The following UNC5C variants were observed in gnomAD, a reference collection of about 807,000 sequenced individuals.
The protein encoded by UNC5C is netrin receptor UNC5C.
In UNC5C, 47 loss-of-function variants were observed where a neutral mutation model predicts 99.8. The ratio of observed to expected loss-of-function variants is 0.47; its 90% CI spans 0.37 to 0.60. The LOEUF (loss-of-function observed/expected upper bound fraction) is 0.60. Ranked by LOEUF, UNC5C falls within the 20% of genes least tolerant of loss-of-function variation. UNC5C has a pLI of 0.00. For synonymous variants in UNC5C, 487 were observed against 452.2 expected (o/e 1.08, Z -0.98); for missense variants, 1,062 against 1,165.9 (o/e 0.91, Z 1.30).
chr4:95,470,598 A>G (rs981138272), intron 1 of UNC5C, among the ~76,000 whole-genome samples: 3 of 152,128 alleles, frequency 2.0e-5, no homozygotes, highest in Non-Finnish European at 2.9e-5. Context: ...TCAGAAAAAA[A>G]TAGCAGTATG....
chr4:95,548,645 A>G (rs780953476), intron 1 of UNC5C, 89 bp downstream of exon 1: 6 of 1,457,746 alleles, frequency 4.1e-6, no homozygotes, highest in Non-Finnish European at 5.5e-6. Flanking sequence ...AGGCAAATTG[A>G]GGAAGTCAAG....
At chr4:95,192,888 A>G (rs542584646) in intron 12 of UNC5C, among the ~76,000 whole-genome samples, 1 of 152,296 alleles carries the variant, frequency 6.6e-6, no homozygotes, top group South Asian at 2.1e-4. Context: ...TATGATCCAT[A>G]GCTTCTTTCT....
chr4:95,407,431 C>A (rs371799159), intron 1 of UNC5C, among the ~76,000 whole-genome samples: 1 of 151,920 alleles, frequency 6.6e-6, no homozygotes, highest in Non-Finnish European at 1.5e-5. Context: ...GCAGAGAAAT[C>A]GCAGGTGGAC....
chr4:95,432,901 T>C (rs1746671877), intron 1 of UNC5C, among the ~76,000 whole-genome samples: 1 of 152,154 alleles, frequency 6.6e-6, no homozygotes, highest in Non-Finnish European at 1.5e-5. Flanking sequence ...CTATGCTACT[T>C]ACATTTTCAC....
In UNC5C at chr4:95,539,527, A is replaced by T. The variant is rs1481133492; in HGVS notation, c.124+9207T>A. On this transcript the variant is annotated intron_variant, in intron 1 of 15. Coordinates refer to ENST00000453304, the MANE Select transcript of UNC5C (RefSeq NM_003728.4). ...TTCAAGTCCTTGACTATCTTTATGA[A>T]TTTGTTTTATAAGTTAAAAAGTTTT... Among the ~76,000 whole-genome samples, 4 of 152,322 alleles carry T rather than the reference A, an allele frequency of 2.6e-5. No individual in the cohort carries two copies. The South Asian group carries it at 8.3e-4, about 32-fold the overall frequency.
At chr4:95,459,235 T>C (rs952653618) in intron 1 of UNC5C, among the ~76,000 whole-genome samples, 1 of 152,172 alleles carries the variant, frequency 6.6e-6, no homozygotes, top group Admixed American at 6.5e-5. Context: ...GCTTCCTATG[T>C]GGAGCATAGT....
chr4:95,321,250 G>A (rs992578273), intron 2 of UNC5C, among the ~76,000 whole-genome samples: 16 of 151,994 alleles, frequency 1.1e-4, no homozygotes, highest in East Asian at 3.9e-4. Context: ...TGCAAATATC[G>A]GAATTACCAA....
At chr4:95,242,282 A>T (rs1047399371) in intron 7 of UNC5C, 147 bp downstream of exon 7, 5 of 1,215,796 alleles carry the variant, frequency 4.1e-6, no homozygotes, top group South Asian at 1.6e-5. Flanking sequence ...CGCTTTTTCC[A>T]ATTTTGAGAG....
rs1352246072 is a variant in UNC5C at position 95,166,222 on chromosome 4, TTGA to T, written c.*3009_*3011del. 1 of 152,214 alleles carries T rather than the reference TTGA, an allele frequency of 6.6e-6. No homozygotes were observed. The highest frequency in any genetic ancestry group is 1.5e-5 in the Non-Finnish European group (1 of 68,028). The allele number at this position is 152,214 out of a possible 1,614,324, so 9.4% of individuals were successfully genotyped here. A position where few individuals can be genotyped will look rare whatever the true frequency, so the allele number is the denominator to read the frequency against. On this transcript the variant is annotated 3_prime_UTR_variant, in exon 16 of 16. Transcript: ENST00000453304. ...AAGCAGGATGTATCACATAGAATGG[TTGA>T]TGAAGTGGCTTCCTATGAAATGAAC...
At chr4:95,447,562 G>A (rs545376012) in intron 1 of UNC5C, among the ~76,000 whole-genome samples, 5 of 152,036 alleles carry the variant, frequency 3.3e-5, no homozygotes, top group Admixed American at 1.3e-4. Context: ...GTGCAGTGGC[G>A]CAATCTCGGC....
At chr4:95,360,148 G>C (rs916178352) in intron 1 of UNC5C, among the ~76,000 whole-genome samples, 4 of 152,098 alleles carry the variant, frequency 2.6e-5, no homozygotes, top group African/African-American at 9.7e-5. Flanking sequence ...GAAATATACA[G>C]ATGTTACCTT....
intron 12 of UNC5C, among the ~76,000 whole-genome samples, chr4:95,188,416 A>C (rs1736920740): frequency 6.6e-6 from 1 of 152,224 alleles, no homozygotes; most frequent in Non-Finnish European, 1.5e-5. Flanking sequence ...AAACGAGTAT[A>C]ATCTAAAACC....
intron 2 of UNC5C, among the ~76,000 whole-genome samples, chr4:95,304,940 A>G (rs1742009485): frequency 6.6e-6 from 1 of 152,176 alleles, no homozygotes; most frequent in African/African-American, 2.4e-5. Context: ...TTTAGCTCAA[A>G]TAGGCTCATG....
At chr4:95,193,025 C>T (rs1560724401) in intron 12 of UNC5C, among the ~76,000 whole-genome samples, 2 of 152,186 alleles carry the variant, frequency 1.3e-5, no homozygotes, top group Admixed American at 6.5e-5. Flanking sequence ...TCTCATATAA[C>T]CCACTGAAAT....
chr4:95,486,217 G>A (rs1721324680), intron 1 of UNC5C, among the ~76,000 whole-genome samples: 1 of 151,524 alleles, frequency 6.6e-6, no homozygotes, highest in Admixed American at 6.6e-5. Flanking sequence ...TTAATCTTAA[G>A]GCACAAAACA....
chr4:95,288,045 A>G (rs1309277917), intron 3 of UNC5C, among the ~76,000 whole-genome samples: 2 of 140,318 alleles, frequency 1.4e-5, no homozygotes, highest in Non-Finnish European at 3.1e-5. Flanking sequence ...CACATAGTCC[A>G]ACCCCCTCAC....
intron 1 of UNC5C, among the ~76,000 whole-genome samples, chr4:95,491,381 G>A (rs1399167992): frequency 6.6e-6 from 1 of 151,554 alleles, no homozygotes; most frequent in Non-Finnish European, 1.5e-5. Flanking sequence ...TTTGGTGTTA[G>A]GCAAAGAGAC....
At chr4:95,427,504 G>A (rs1181329838) in intron 1 of UNC5C, among the ~76,000 whole-genome samples, 1 of 152,178 alleles carries the variant, frequency 6.6e-6, no homozygotes, top group Non-Finnish European at 1.5e-5. Flanking sequence ...AGTCAACCCA[G>A]TCTTCAACAA....
At chr4:95,492,258 G>A (rs954707752) in intron 1 of UNC5C, among the ~76,000 whole-genome samples, 1 of 151,330 alleles carries the variant, frequency 6.6e-6, no homozygotes, top group Non-Finnish European at 1.5e-5. Flanking sequence ...CCAAGATTAT[G>A]ATAGCTCATA....
Sources: allele counts gnomAD v4.1 joint callset (sites outside exome capture counted in the v4.1 genomes callset), GRCh38; gene constraint gnomAD v4.1.1; transcripts MANE v1.5; gene names NCBI Gene and HGNC (gene_info 2026-07-23, HGNC 2026-07-21).